The following DISC1 variants were observed in gnomAD, a reference collection of about 807,000 sequenced individuals.
DISC1 encodes the protein disrupted in schizophrenia 1 protein.
Under a neutral mutation model 84.5 loss-of-function variants are expected in DISC1, and 57 were observed. The ratio of observed to expected loss-of-function variants is 0.67; its 90% CI spans 0.55 to 0.84. DISC1 has a LOEUF of 0.84. DISC1 is among the 40% of genes least tolerant of loss of function. The pLI is 0.00. For missense variants in DISC1, 1,000 were observed against 1,057.8 expected (o/e 0.95, Z 0.76); for synonymous variants, 411 against 415.2 (o/e 0.99, Z 0.12).
intron 12 of DISC1, among the ~76,000 whole-genome samples, chr1:232,035,985 T>TAAGAA (rs1273209605): frequency 6.6e-6 from 1 of 152,086 alleles, no homozygotes; most frequent in African/African-American, 2.4e-5. Flanking sequence ...CCCAACAGCT[T>TAAGAA]AAGAAAAGAA....
At chr1:231,823,926 A>G (rs1182346093) in intron 9 of DISC1, among the ~76,000 whole-genome samples, 3 of 151,446 alleles carry the variant, frequency 2.0e-5, no homozygotes, top group African/African-American at 4.8e-5. Flanking sequence ...AGATTTTTAA[A>G]GGGGTCATTC....
rs73115140 is a variant in DISC1, at chr1:231,689,252, C to T, written c.68-4574C>T. On this transcript the variant is annotated intron_variant, in intron 1 of 12. Transcript: ENST00000439617. ...ATTCCCTGCAGCATTCTCGAGGTCC[C>T]AGCATTTTCCCTTCAGGAGACCTTA... is the stretch of plus-strand genomic sequence containing the variant. 4.2e-3 allele frequency among the ~76,000 whole-genome samples: 645 copies of T among 152,236 alleles called. 10 individuals are homozygous for T. Among genetic ancestry groups the T allele is most frequent in the African/African-American group, 0.015 (615 of 41,564 alleles).
rs142487247 is a variant in DISC1 at position 231,629,436 on chromosome 1, G to A, written c.67+2502G>A. On this transcript the variant is annotated intron_variant, in intron 1 of 12. Transcript: ENST00000439617. ...AGAAGAAAGCAGAAACTTCCGAGAG[G>A]AGCGTGAATGCTCTGTTTCTGTGCT... 7.2e-4 allele frequency: 111 copies of A among 153,302 alleles called. 1 individual carries two copies. The highest frequency in any genetic ancestry group is 2.4e-3 in the African/African-American group (99 of 41,572). The allele number at this position is 153,302 out of a possible 1,614,324, so 9.5% of individuals were successfully genotyped here.
chr1:231,779,571 T>G (rs1002419026), intron 6 of DISC1, among the ~76,000 whole-genome samples: 38 of 145,258 alleles, frequency 2.6e-4, no homozygotes, highest in African/African-American at 9.0e-4. Context: ...TTTTTTTTTT[T>G]TTTTTTTAAG....
At chr1:231,677,651 C>T (rs868407354) in intron 1 of DISC1, among the ~76,000 whole-genome samples, 1 of 152,240 alleles carries the variant, frequency 6.6e-6, no homozygotes, top group Non-Finnish European at 1.5e-5. Flanking sequence ...TAACTTGTTA[C>T]GGATCACCCA....
At chr1:231,652,703 A>C (rs968638243) in intron 1 of DISC1, among the ~76,000 whole-genome samples, 1 of 152,208 alleles carries the variant, frequency 6.6e-6, no homozygotes, top group Non-Finnish European at 1.5e-5. Flanking sequence ...CTTGTTTTCC[A>C]ACCTAATTTT....
intron 9 of DISC1, among the ~76,000 whole-genome samples, chr1:231,917,280 G>C (rs140738871): frequency 9.1e-4 from 138 of 152,170 alleles, no homozygotes; most frequent in African/African-American, 3.1e-3. Context: ...TGTTTGAAAG[G>C]CATTCTCTTC....
chr1:231,938,086 T>C (rs1321312101), intron 9 of DISC1, among the ~76,000 whole-genome samples: 1 of 152,094 alleles, frequency 6.6e-6, no homozygotes, highest in African/African-American at 2.4e-5. Context: ...CTGGGTTTTC[T>C]TTTCCCTCCA....
intron 1 of DISC1, among the ~76,000 whole-genome samples, chr1:231,674,301 A>G (rs2062921362): frequency 6.6e-6 from 1 of 151,456 alleles, no homozygotes; most frequent in Non-Finnish European, 1.5e-5. Context: ...CATCTGTTAT[A>G]TGTGCCATTT....
chr1:232,000,168 AGAATTGT>A (rs2102959474), intron 10 of DISC1, among the ~76,000 whole-genome samples: 2 of 152,310 alleles, frequency 1.3e-5, no homozygotes, highest in African/African-American at 4.8e-5. Context: ...TTATGTGACA[AGAATTGT>A]GTATGGTCAT....
chr1:231,827,136 C>T (rs1287222236), intron 9 of DISC1, among the ~76,000 whole-genome samples: 6 of 152,110 alleles, frequency 3.9e-5, no homozygotes, highest in South Asian at 2.1e-4. Flanking sequence ...TACAGGCGCC[C>T]GCCACCATGC....
In DISC1 at chr1:231,923,168, T is replaced by C. The variant is rs550792131; in HGVS notation, c.1982-35660T>C. Among the ~76,000 whole-genome samples, 20 of 151,922 alleles carry C rather than the reference T, an allele frequency of 1.3e-4. 1 individual carries two copies. The highest frequency in any genetic ancestry group is 8.3e-4 in the South Asian group (4 of 4,794). Reference sequence around the variant, plus strand: ...TGGGTGTGGTGGCATGCGTCTGTAATCCCAGCTACTCTGGAGGCTGAGGCA... The same window carrying C: ...TGGGTGTGGTGGCATGCGTCTGTAACCCCAGCTACTCTGGAGGCTGAGGCA... On this transcript the variant is annotated intron_variant, in intron 9 of 12. Transcript: ENST00000439617.
chr1:231,874,630 G>A (rs2085726413), intron 9 of DISC1, among the ~76,000 whole-genome samples: 1 of 151,886 alleles, frequency 6.6e-6, no homozygotes, highest in African/African-American at 2.4e-5. Context: ...AAGAATACCA[G>A]GCTGGGCGTG....
intron 9 of DISC1, among the ~76,000 whole-genome samples, chr1:231,956,715 G>A (rs573446589): frequency 1.3e-5 from 2 of 152,272 alleles, no homozygotes; most frequent in South Asian, 2.1e-4. Flanking sequence ...GTATAGTGGG[G>A]GGGACTTGTC....
intron 4 of DISC1, chr1:231,750,592 T>G (rs1288374888): frequency 1.0e-6 from 1 of 985,218 alleles, no homozygotes; most frequent in East Asian, 1.1e-4. Context: ...TGGCTTGTGG[T>G]CCTGGCTGCA....
chr1:231,955,968 C>CCGCG, intron 9 of DISC1, among the ~76,000 whole-genome samples: 1 of 152,284 alleles, frequency 6.6e-6, no homozygotes, highest in South Asian at 2.1e-4. Flanking sequence ...ACTGAGAAAA[C>CCGCG]AGCAGAAGCA....
At chr1:231,973,969 G>A (rs1404511718) in intron 10 of DISC1, among the ~76,000 whole-genome samples, 1 of 152,134 alleles carries the variant, frequency 6.6e-6, no homozygotes, top group African/African-American at 2.4e-5. Context: ...TCTCTGAAGA[G>A]CTGTGGCTGT....
At chr1:231,969,106 G>A (rs1484956427) in intron 10 of DISC1, among the ~76,000 whole-genome samples, 1 of 151,398 alleles carries the variant, frequency 6.6e-6, no homozygotes, top group Non-Finnish European at 1.5e-5. Flanking sequence ...GAAATTGTGG[G>A]GAGCAGAGAG....
intron 3 of DISC1, among the ~76,000 whole-genome samples, chr1:231,709,926 T>C (rs920980019): frequency 7.2e-5 from 11 of 152,196 alleles, no homozygotes; most frequent in Non-Finnish European, 1.2e-4. Flanking sequence ...TTGAAGCTGC[T>C]CTCATAGGTT....
Sources: gnomAD v4.1 joint callset for allele counts (sites outside exome capture counted in the v4.1 genomes callset) on GRCh38, gnomAD v4.1.1 for gene constraint, MANE v1.5 for transcripts, NCBI Gene and HGNC (gene_info 2026-07-23, HGNC 2026-07-21) for gene names.